The following NR3C1 variants were observed in gnomAD, a reference collection of about 807,000 sequenced individuals.
NR3C1 encodes glucocorticoid receptor.
Under a neutral mutation model 74.0 loss-of-function variants are expected in NR3C1, and 14 were observed. That is an observed-to-expected ratio of 0.19 (90% CI 0.12 to 0.30). The LOEUF is 0.30. Ranked by LOEUF, NR3C1 falls within the 10% of genes least tolerant of loss-of-function variation. NR3C1 has a pLI of 1.00. For missense variants in NR3C1, 695 were observed against 909.8 expected (o/e 0.76, Z 3.04); for synonymous variants, 308 against 332.5 (o/e 0.93, Z 0.80).
intron 2 of NR3C1, among the ~76,000 whole-genome samples, chr5:143,316,372 G>C (rs956472312): frequency 6.6e-6 from 1 of 152,166 alleles, no homozygotes; most frequent in Non-Finnish European, 1.5e-5. Context: ...CGAGTGCATT[G>C]TTTAAAGGTT....
At chr5:143,336,836 G>A (rs1827213729) in intron 2 of NR3C1, among the ~76,000 whole-genome samples, 1 of 151,576 alleles carries the variant, frequency 6.6e-6, no homozygotes, top group Admixed American at 6.6e-5. Context: ...ACAAAAATTA[G>A]CGGGTATGGT....
At chr5:143,285,183 G>A (rs1414445558) in intron 7 of NR3C1, among the ~76,000 whole-genome samples, 1 of 152,118 alleles carries the variant, frequency 6.6e-6, no homozygotes, top group Non-Finnish European at 1.5e-5. Flanking sequence ...CATACTTAGG[G>A]TGAAATCCCT....
At chr5:143,297,486 C>T (rs1817559101) in intron 6 of NR3C1, among the ~76,000 whole-genome samples, 1 of 152,136 alleles carries the variant, frequency 6.6e-6, no homozygotes, top group African/African-American at 2.4e-5. Flanking sequence ...GTAATAATGT[C>T]TTCAGTTTCC....
chr5:143,375,697 T>G (rs1317044154), intron 2 of NR3C1: 1 of 152,204 alleles, frequency 6.6e-6, no homozygotes, highest in African/African-American at 2.4e-5. Context: ...ACCAAAAGAT[T>G]AGTAACCATG....
intron 4 of NR3C1, among the ~76,000 whole-genome samples, chr5:143,304,447 A>T (rs1203583058): frequency 6.6e-6 from 1 of 152,176 alleles, no homozygotes; most frequent in East Asian, 1.9e-4. Context: ...ATGCTCATGG[A>T]CTGGTAGAAT....
intron 1 of NR3C1, among the ~76,000 whole-genome samples, chr5:143,430,090 A>G (rs1457939623): frequency 6.6e-6 from 1 of 151,858 alleles, no homozygotes; most frequent in African/African-American, 2.4e-5. Flanking sequence ...TCCAAAAAAA[A>G]AAAAGAAAAG....
At chr5:143,406,355 A>C (rs1417300568), upstream of NR3C1, among the ~76,000 whole-genome samples, 1 of 150,726 alleles carries the variant, frequency 6.6e-6, no homozygotes, top group East Asian at 1.9e-4. Context: ...GCAGATCTTA[A>C]TGGGGAAGAA....
At chr5:143,350,348 C>A (rs141971814) in intron 2 of NR3C1, among the ~76,000 whole-genome samples, 1 of 152,030 alleles carries the variant, frequency 6.6e-6, no homozygotes, top group African/African-American at 2.4e-5. Context: ...GAAGGGTTTG[C>A]GAGGTATTTA....
At chr5:143,376,244 T>C (rs1436652132) in intron 2 of NR3C1, among the ~76,000 whole-genome samples, 4 of 152,236 alleles carry the variant, frequency 2.6e-5, no homozygotes, top group Non-Finnish European at 5.9e-5. Flanking sequence ...GGAAGGAGAC[T>C]GGACCATAGC....
intron 2 of NR3C1, among the ~76,000 whole-genome samples, chr5:143,386,701 T>C (rs1244489661): frequency 2.6e-5 from 4 of 152,200 alleles, no homozygotes; most frequent in Non-Finnish European, 5.9e-5. Context: ...ATTTTACTGA[T>C]GGAATGAACA....
At chr5:143,320,339 T>C (rs916811588) in intron 2 of NR3C1, among the ~76,000 whole-genome samples, 3 of 152,220 alleles carry the variant, frequency 2.0e-5, no homozygotes, top group East Asian at 1.9e-4. Flanking sequence ...GAGGTTTGCA[T>C]TGGTTTCAAC....
chr5:143,347,309 T>C (rs931101053), intron 2 of NR3C1, among the ~76,000 whole-genome samples: 1 of 152,100 alleles, frequency 6.6e-6, no homozygotes, highest in Non-Finnish European at 1.5e-5. Context: ...GAAATTGGCA[T>C]TTCCTCCTTC....
At chr5:143,282,855 C>T (rs1394259904) in intron 7 of NR3C1, 130 bp from the exon 8 acceptor site, 5 of 974,992 alleles carry the variant, frequency 5.1e-6, no homozygotes, top group Non-Finnish European at 6.0e-6. Context: ...TCATAGCTCA[C>T]TGGAGCCTTG....
chr5:143,393,046 C>T (rs958711426), intron 2 of NR3C1, among the ~76,000 whole-genome samples: 1 of 152,162 alleles, frequency 6.6e-6, no homozygotes, highest in African/African-American at 2.4e-5. Flanking sequence ...ATTAGGGAAA[C>T]TCTCAAGTTC....
At chr5:143,283,571 T>C (rs747858958) in intron 7 of NR3C1, among the ~76,000 whole-genome samples, 3 of 152,252 alleles carry the variant, frequency 2.0e-5, no homozygotes, top group Admixed American at 6.5e-5. Context: ...CAGTTAATTA[T>C]AACTTTAAAA....
At chr5:143,377,353 T>C (rs1042689003) in intron 2 of NR3C1, among the ~76,000 whole-genome samples, 16 of 152,196 alleles carry the variant, frequency 1.1e-4, no homozygotes, top group Admixed American at 2.0e-4. Flanking sequence ...GCATTACCTA[T>C]GGAGCTGCTG....
In NR3C1 at chr5:143,314,177, G is replaced by A; in HGVS notation, c.1185-9C>T. On this transcript the variant is annotated splice_polypyrimidine_tract_variant and intron_variant, in intron 2 of 8. Transcript: ENST00000394464. Reference sequence around the variant, plus strand: ...CTGGTCTCATGCTGGGGCTAAAGAAGGGGAAGAACAGTGTTATGATTTAAC... The same window carrying A: ...CTGGTCTCATGCTGGGGCTAAAGAAAGGGAAGAACAGTGTTATGATTTAAC... The A allele has an allele frequency of 1.9e-6, 3 of 1,613,414 alleles. No homozygotes were observed. Among genetic ancestry groups the A allele is most frequent in the East Asian group, 2.2e-5 (1 of 44,854 alleles).
chr5:143,388,397 T>G lies in NR3C1; in HGVS notation c.1184+11259A>C, dbSNP rs576766375. Among the ~76,000 whole-genome samples, 4 of 152,298 alleles carry G rather than the reference T, an allele frequency of 2.6e-5. No individual in the cohort carries two copies. The South Asian group carries it at 8.3e-4, about 32-fold the overall frequency. ...AAATATAATCCATTCCTATATATCTTTTTGGTTTATATGTTAAATTTTGTT... is the reference window on the plus strand; with the variant it reads ...AAATATAATCCATTCCTATATATCTGTTTGGTTTATATGTTAAATTTTGTT... On this transcript the variant is annotated intron_variant, in intron 2 of 8. Transcript: ENST00000394464.
intron 2 of NR3C1, among the ~76,000 whole-genome samples, chr5:143,329,087 C>A (rs1825307711): frequency 6.6e-6 from 1 of 152,102 alleles, no homozygotes; most frequent in Non-Finnish European, 1.5e-5. Flanking sequence ...TAAAGAATAT[C>A]TGAGACTGGG....
Sources: allele counts gnomAD v4.1 joint callset (sites outside exome capture counted in the v4.1 genomes callset), GRCh38; gene constraint gnomAD v4.1.1; transcripts MANE v1.5; gene names NCBI Gene and HGNC (gene_info 2026-07-23, HGNC 2026-07-21).